CD8B2: variants seen among roughly 807,000 people sequenced by gnomAD.
The protein encoded by CD8B2 is CD8B family member 2, also known as T-cell surface glycoprotein CD8 beta-2 chain.
In CD8B2, 11 loss-of-function variants were observed where a neutral mutation model predicts 23.7. The observed-to-expected ratio is 0.46, with a 90% confidence interval of 0.29 to 0.77. The LOEUF (loss-of-function observed/expected upper bound fraction) is 0.77. Among genes scored for constraint, CD8B2 ranks in the 30% least tolerant of loss-of-function variants. The pLI, the probability that CD8B2 is intolerant of heterozygous loss-of-function variation, is 0.09. For synonymous variants in CD8B2, 90 were observed against 109.3 expected, an observed-to-expected ratio of 0.82 and a Z score of 1.10; for missense variants, 197 against 270.5, an observed-to-expected ratio of 0.73 and a Z score of 1.91.
intron 5 of CD8B2, chr2:106,538,038 A>T (rs1680115950): frequency 6.6e-6 from 1 of 152,244 alleles, no homozygotes; most frequent in South Asian, 2.1e-4. Context: ...GTGATTGCGG[A>T]GGCCTGCGGA....
chr2:106,491,313 A>G (rs1296318612), intron 2 of CD8B2, 80 bp downstream of exon 2: 8 of 1,257,762 alleles, frequency 6.4e-6, no homozygotes, highest in South Asian at 2.7e-5. Context: ...ACCAGGCTTC[A>G]GTGTGCCCCT....
intron 5 of CD8B2, among the ~76,000 whole-genome samples, chr2:106,531,243 C>T (rs1286713927): frequency 6.6e-6 from 1 of 152,154 alleles, no homozygotes; most frequent in East Asian, 1.9e-4. Flanking sequence ...TGATTTAGCT[C>T]ATGACACTCA....
intron 5 of CD8B2, chr2:106,522,221 C>G (rs1679837959): frequency 6.6e-6 from 1 of 152,094 alleles, no homozygotes; most frequent in African/African-American, 2.4e-5. Context: ...TTATGGCTCT[C>G]CTCTACACAG....
At chr2:106,518,752 G>A (rs747963006) in intron 5 of CD8B2, among the ~76,000 whole-genome samples, 7 of 150,334 alleles carry the variant, frequency 4.7e-5, no homozygotes, top group Non-Finnish European at 5.9e-5. Context: ...TTATCCCTCC[G>A]TCTATCATCC....
chr2:106,517,582 G>A (rs1424368174), intron 5 of CD8B2, among the ~76,000 whole-genome samples: 1 of 151,942 alleles, frequency 6.6e-6, no homozygotes, highest in African/African-American at 2.4e-5. Context: ...AGAGAGCCCC[G>A]TCAGCCTCCC....
chr2:106,515,989 A>ATT (rs200112622), downstream of CD8B2, among the ~76,000 whole-genome samples: 24 of 147,028 alleles, frequency 1.6e-4, no homozygotes, highest in East Asian at 2.2e-3. Context: ...TGCTCAGCTA[A>ATT]TTTTTTTTTT....
chr2:106,500,808 T>C (rs993325742), intron 3 of CD8B2, among the ~76,000 whole-genome samples: 2 of 151,604 alleles, frequency 1.3e-5, no homozygotes, highest in Non-Finnish European at 2.9e-5. Flanking sequence ...TTTGGGACAT[T>C]GATAGTGTAA....
chr2:106,504,309 C>G lies in CD8B2; in HGVS notation c.604C>G (p.Leu202Val). Reference sequence around the variant, plus strand: ...TCCAGGCCGGCGGAGGAGAGCCCGGCTTCGTTTCATGAAACAGTAAGTGTA... The same window carrying G: ...TCCAGGCCGGCGGAGGAGAGCCCGGGTTCGTTTCATGAAACAGTAAGTGTA... The part of the protein sequence containing the change: ...HLCCRRRRAR[L>V]RFMKQFYK The change falls in exon 5 of 6, where the codon CTT becomes GTT. Residue 202 changes from leucine (L) to valine (V), a missense_variant. Leu to Val is a conservative substitution (Grantham distance 32). This residue lies in a region of CD8B2 where 22 missense variants were observed against 23.4 expected (regional missense o/e 0.94). Coordinates refer to ENST00000643224, the MANE Select transcript of CD8B2 (RefSeq NM_001349727.2). 6.4e-7 allele frequency: 1 copy of G among 1,554,668 alleles called. No individual in the cohort carries two copies.
chr2:106,493,640 C>T (rs1679239123), intron 2 of CD8B2, among the ~76,000 whole-genome samples: 1 of 152,210 alleles, frequency 6.6e-6, no homozygotes, highest in South Asian at 2.1e-4. Flanking sequence ...TGACAGTTTC[C>T]TCTTACAATA....
chr2:106,519,480 C>A (rs150422980), intron 5 of CD8B2, among the ~76,000 whole-genome samples: 1 of 152,316 alleles, frequency 6.6e-6, no homozygotes, highest in African/African-American at 2.4e-5. Context: ...ATAAGGGAAG[C>A]GCCTTACAGA....
intron 3 of CD8B2, among the ~76,000 whole-genome samples, chr2:106,500,927 G>A (rs1679393436): frequency 6.6e-6 from 1 of 152,128 alleles, no homozygotes; most frequent in South Asian, 2.1e-4. Flanking sequence ...AAGCTTATAA[G>A]AAATTAGGGA....
At chr2:106,530,027 G>A (rs952393969) in intron 5 of CD8B2, among the ~76,000 whole-genome samples, 8 of 152,212 alleles carry the variant, frequency 5.3e-5, no homozygotes, top group African/African-American at 1.7e-4. Flanking sequence ...AGTTTCACCC[G>A]CTGAGAAAGT....
chr2:106,512,474 G>GGT (rs370878562), downstream of CD8B2, among the ~76,000 whole-genome samples: 29 of 150,774 alleles, frequency 1.9e-4, no homozygotes, highest in South Asian at 6.3e-4. Context: ...CTCTTCCTTG[G>GGT]GTGTGTGTGT....
chr2:106,491,192 G>C lies in CD8B2; in HGVS notation c.362G>C (p.Ser121Thr). ...SGIYFCMIVGSPELTFGKGTQ... is the reference protein window; with the variant it reads ...SGIYFCMIVGTPELTFGKGTQ... Reference sequence around the variant, plus strand: ...ATCTACTTCTGCATGATCGTCGGGAGCCCCGAGCTGACCTTCGGGAAGGGA... The same window carrying C: ...ATCTACTTCTGCATGATCGTCGGGACCCCCGAGCTGACCTTCGGGAAGGGA... Residue 121 changes from serine to threonine, a missense_variant, in exon 2 of 6, where the codon AGC (serine) becomes ACC (threonine). Around this residue, in one of 3 missense-constraint regions of CD8B2, gnomAD observed 140 missense variants for 164.2 expected, o/e 0.85. Transcript: ENST00000643224. 1 of 1,612,218 alleles carries C rather than the reference G, an allele frequency of 6.2e-7. No homozygotes were observed. Among genetic ancestry groups the C allele is most frequent in the Non-Finnish European group, 8.5e-7 (1 of 1,178,372 alleles).
intron 5 of CD8B2, among the ~76,000 whole-genome samples, chr2:106,517,904 C>T (rs910251112): frequency 1.3e-5 from 2 of 151,996 alleles, no homozygotes; most frequent in South Asian, 2.1e-4. Context: ...TTAGTAGAGA[C>T]GGGGTTTCAC....
chr2:106,524,342 C>T (rs1002125083), intron 5 of CD8B2, among the ~76,000 whole-genome samples: 6 of 152,252 alleles, frequency 3.9e-5, no homozygotes, highest in African/African-American at 1.2e-4. Flanking sequence ...GCTTTATTTC[C>T]GGGCATTGTT....
At chr2:106,526,439 C>G (rs1038503755) in intron 5 of CD8B2, among the ~76,000 whole-genome samples, 2 of 152,156 alleles carry the variant, frequency 1.3e-5, no homozygotes, top group Non-Finnish European at 2.9e-5. Flanking sequence ...CCTGCCACCC[C>G]CTCTTCTGAA....
chr2:106,497,497 C>A (rs1207476725), intron 3 of CD8B2, among the ~76,000 whole-genome samples: 8 of 152,146 alleles, frequency 5.3e-5, no homozygotes, highest in Admixed American at 5.2e-4. Context: ...AAATACTGAC[C>A]TCAGCCCAGC....
At chr2:106,531,730 C>A (rs1451171138) in intron 5 of CD8B2, among the ~76,000 whole-genome samples, 1 of 152,170 alleles carries the variant, frequency 6.6e-6, no homozygotes, top group Non-Finnish European at 1.5e-5. Flanking sequence ...CATGGGCATT[C>A]CAGTCCAGTG....
Sources: allele counts gnomAD v4.1 joint callset (sites outside exome capture counted in the v4.1 genomes callset), GRCh38; gene constraint gnomAD v4.1.1; regional missense constraint gnomAD v4.1.1; transcripts MANE v1.5; gene names NCBI Gene and HGNC (gene_info 2026-07-23, HGNC 2026-07-21).